Variants in TMCC3 observed in about 807,000 individuals in gnomAD.
TMCC3 encodes the protein transmembrane and coiled-coil domain family 3.
A neutral mutation model predicts 40.2 loss-of-function variants in TMCC3; 28 were observed. The observed-to-expected ratio is 0.70, with a 90% confidence interval of 0.52 to 0.95. The LOEUF is 0.95. TMCC3 is among the 40% of genes least tolerant of loss of function. The pLI is 0.00. For synonymous variants in TMCC3, 255 were observed against 248.5 expected (o/e 1.03, Z -0.25); for missense variants, 554 against 615.2 (o/e 0.90, Z 1.05).
intron 1 of TMCC3, among the ~76,000 whole-genome samples, chr12:94,592,661 C>CAAACAAAAAAAAAAAAAAAAAAAAAAAAA (rs1179258894): frequency 3.6e-4 from 10 of 27,506 alleles, no homozygotes; most frequent in Non-Finnish European, 5.4e-4. Flanking sequence ...GGCTCCATCT[C>CAAACAAAAAAAAAAAAAAAAAAAAAAAAA]AAAAAAAAAA....
At chr12:94,582,591 A>C in intron 1 of TMCC3, 53 bp from the exon 2 acceptor site, 1 of 1,466,544 alleles carries the variant, frequency 6.8e-7, no homozygotes, top group Non-Finnish European at 9.2e-7. Context: ...AGAGATAATT[A>C]CTGTGACAGA....
At chr12:94,616,449 G>C (rs2068848491) in intron 1 of TMCC3, 1 of 152,564 alleles carries the variant, frequency 6.6e-6, no homozygotes, top group East Asian at 1.9e-4. Context: ...GGGAAGGGAA[G>C]TGGCTTAAAG....
Position 94,650,487 on chromosome 12 carries a change from C to A in TMCC3, c.-57G>T, listed in dbSNP as rs971007533. Reference sequence around the variant, plus strand: ...TCTGGGGCTGCCGCGCCGCGAGCCACCGGCTGTGCTCGGGATCACCCTGGG... The same window carrying A: ...TCTGGGGCTGCCGCGCCGCGAGCCAACGGCTGTGCTCGGGATCACCCTGGG... On this transcript the variant is annotated 5_prime_UTR_variant, in exon 1 of 4. Coordinates refer to ENST00000261226, the MANE Select transcript of TMCC3 (RefSeq NM_020698.4). The A allele has an allele frequency of 1.7e-5, 21 of 1,215,754 alleles. No homozygotes were observed. The highest frequency in any genetic ancestry group is 1.8e-5 in the Non-Finnish European group (17 of 970,000). 75.3% of individuals were successfully genotyped at this position (1,215,754 alleles called of 1,614,324 possible). A position where few individuals can be genotyped will look rare whatever the true frequency, so the allele number is the denominator to read the frequency against.
chr12:94,644,887 T>C (rs998953435), intron 1 of TMCC3, among the ~76,000 whole-genome samples: 3 of 152,228 alleles, frequency 2.0e-5, no homozygotes, highest in African/African-American at 7.2e-5. Context: ...TTACTCATCA[T>C]GTAATTGTAG....
intron 1 of TMCC3, among the ~76,000 whole-genome samples, chr12:94,601,696 T>A (rs2068753350): frequency 6.8e-6 from 1 of 147,708 alleles, no homozygotes. Context: ...TAATGCCAGC[T>A]AATTGGGGAG....
chr12:94,614,173 A>T (rs1228643791), intron 1 of TMCC3, among the ~76,000 whole-genome samples: 1 of 151,878 alleles, frequency 6.6e-6, no homozygotes, highest in Non-Finnish European at 1.5e-5. Context: ...CTTAAGCTGT[A>T]GAATGAATGT....
chr12:94,590,930 G>A (rs976481130), intron 1 of TMCC3: 27 of 587,708 alleles, frequency 4.6e-5, no homozygotes, highest in East Asian at 2.6e-4. Context: ...AGAAATGACC[G>A]AGAGCTTCAA....
chr12:94,593,446 GAGAAGGAGAAGAAGA>G lies in TMCC3; in HGVS notation c.79-10923_79-10909del, dbSNP rs2068695381. 7.6e-5 allele frequency among the ~76,000 whole-genome samples: 2 copies of G among 26,400 alleles called. 1 individual carries two copies. The highest frequency in any genetic ancestry group is 1.7e-4 in the Non-Finnish European group (2 of 11,516). 17.3% of individuals were successfully genotyped at this position (26,400 alleles called of 152,430 possible). Reference sequence around the variant, plus strand: ...AAGGAAGAAGAAGGAGAAGGAGAAGGAGAAGGAGAAGAAGAAGAAGAAGAAGAAGAATTCTATTTC... The same window carrying G: ...AAGGAAGAAGAAGGAGAAGGAGAAGGAGAAGAAGAAGAAGAATTCTATTTC... On this transcript the variant is annotated intron_variant, in intron 1 of 3. Transcript: ENST00000261226.
chr12:94,649,133 A>T (rs1465457287), intron 1 of TMCC3, among the ~76,000 whole-genome samples: 1 of 152,252 alleles, frequency 6.6e-6, no homozygotes, highest in Non-Finnish European at 1.5e-5. Flanking sequence ...AAATATATTC[A>T]ATCTGTAAAA....
intron 2 of TMCC3, among the ~76,000 whole-genome samples, chr12:94,580,649 C>G (rs936792657): frequency 2.0e-5 from 3 of 152,070 alleles, no homozygotes; most frequent in Admixed American, 1.3e-4. Context: ...GCAGGAGGAT[C>G]GCTTGAAACC....
chr12:94,601,808 CAAAAAAAAAAAAA>C (rs61372290), intron 1 of TMCC3, among the ~76,000 whole-genome samples: 14 of 76,700 alleles, frequency 1.8e-4, no homozygotes, highest in East Asian at 1.0e-3. Flanking sequence ...GACCTGGTCT[CAAAAAAAAAAAAA>C]AAAAAAAAAA....
At position 94,571,695 on chromosome 12, in the gene TMCC3, G is replaced by C; in HGVS notation, c.1174C>G (p.Leu392Val). The change falls in exon 4 of 4, where the codon CTC becomes GTC. Residue 392 changes from leucine to valine, a missense_variant. Coordinates refer to ENST00000261226, the MANE Select transcript of TMCC3 (RefSeq NM_020698.4). ...AGAGCTTGCTGCTCTTGCTGGTGGAGCTCCAGCTTAGAAATGCGAGTCTGG... is the reference window on the plus strand; with the variant it reads ...AGAGCTTGCTGCTCTTGCTGGTGGACCTCCAGCTTAGAAATGCGAGTCTGG... ...SCQTRISKLE[L>V]HQQEQQALQT... 5 of 1,614,138 alleles carry C rather than the reference G, an allele frequency of 3.1e-6. No individual in the cohort carries two copies. Among genetic ancestry groups the C allele is most frequent in the Non-Finnish European group, 4.2e-6 (5 of 1,180,034 alleles).
At chr12:94,641,915 A>T (rs2246637) in intron 1 of TMCC3, among the ~76,000 whole-genome samples, 65,533 of 150,662 alleles carry the variant, frequency 0.43, 14,429 homozygotes, top group African/African-American at 0.48. Flanking sequence ...AACCACAAAA[A>T]ATATATATAT....
At chr12:94,606,918 A>C (rs2138855855) in intron 1 of TMCC3, among the ~76,000 whole-genome samples, 1 of 152,336 alleles carries the variant, frequency 6.6e-6, no homozygotes, top group East Asian at 1.9e-4. Context: ...GTGAGAGCAG[A>C]GAATTGGTCT....
intron 1 of TMCC3, among the ~76,000 whole-genome samples, chr12:94,632,626 C>A (rs1254118441): frequency 6.6e-6 from 1 of 152,118 alleles, no homozygotes; most frequent in African/African-American, 2.4e-5. Context: ...TTTTTCTTTG[C>A]CCTAGCAATG....
intron 1 of TMCC3, among the ~76,000 whole-genome samples, chr12:94,620,185 T>C (rs2068868148): frequency 6.6e-6 from 1 of 151,798 alleles, no homozygotes; most frequent in African/African-American, 2.4e-5. Context: ...AAACATAACA[T>C]TATTATCATT....
intron 1 of TMCC3, among the ~76,000 whole-genome samples, chr12:94,618,929 G>A (rs2068861042): frequency 6.6e-6 from 1 of 152,072 alleles, no homozygotes; most frequent in African/African-American, 2.4e-5. Flanking sequence ...CTGCCAATAG[G>A]GGGAAAAATG....
intron 1 of TMCC3, among the ~76,000 whole-genome samples, chr12:94,595,824 C>A (rs1309896713): frequency 6.6e-6 from 1 of 151,540 alleles, no homozygotes; most frequent in South Asian, 2.1e-4. Context: ...TAAAAAGCTG[C>A]CTTTAGTTGT....
intron 3 of TMCC3, among the ~76,000 whole-genome samples, chr12:94,573,204 C>T (rs894223864): frequency 1.5e-5 from 2 of 135,334 alleles, no homozygotes; most frequent in African/African-American, 2.7e-5. Context: ...AACGGGCATA[C>T]CCTGATACCC....
Sources: allele counts gnomAD v4.1 joint callset (sites outside exome capture counted in the v4.1 genomes callset), GRCh38; gene constraint gnomAD v4.1.1; transcripts MANE v1.5; gene names NCBI Gene and HGNC (gene_info 2026-07-23, HGNC 2026-07-21).